DCTPP1: variants seen among roughly 807,000 people sequenced by gnomAD.
The protein encoded by DCTPP1 is dCTP pyrophosphatase 1.
Under a neutral mutation model 8.8 loss-of-function variants are expected in DCTPP1, and 8 were observed. That is an observed-to-expected ratio of 0.91 (90% CI 0.54 to 1.64). The LOEUF (loss-of-function observed/expected upper bound fraction) is 1.64. DCTPP1 is among the 40% of genes most tolerant of loss of function. DCTPP1 has a pLI of 0.00. For missense variants in DCTPP1, 231 were observed against 230.4 expected, an observed-to-expected ratio of 1.00 and a Z score of -0.02; for synonymous variants, 85 against 92.1, an observed-to-expected ratio of 0.92 and a Z score of 0.44.
At position 30,424,370 on chromosome 16, in the gene DCTPP1, G is replaced by A. The variant is rs753034750; in HGVS notation, c.376C>T (p.Arg126Trp). 44 of 1,614,088 alleles carry A rather than the reference G, an allele frequency of 2.7e-5. No individual in the cohort carries two copies. Among genetic ancestry groups the A allele is most frequent in the Admixed American group, 1.5e-4 (9 of 60,004 alleles). The change falls in exon 3 of 3, where the codon CGG becomes TGG. Residue 126 changes from arginine (R) to tryptophan (W), a missense_variant. Coordinates refer to ENST00000319285, the MANE Select transcript of DCTPP1 (RefSeq NM_024096.2). ...GCCAGATGGGCTGGGTAGCGTCGCCGGTTGATGTCCATTTTGGAGAGCACT... is the reference window on the plus strand; with the variant it reads ...GCCAGATGGGCTGGGTAGCGTCGCCAGTTGATGTCCATTTTGGAGAGCACT... ...LAVLSKMDIN[R>W]RRYPAHLARS...
At chr16:30,429,190 A>C in intron 1 of DCTPP1, 23 bp from the exon 2 acceptor site, 2 of 1,613,144 alleles carry the variant, frequency 1.2e-6, no homozygotes, top group Non-Finnish European at 1.7e-6. Flanking sequence ...AAAGGAGTGT[A>C]AGTCCAAGTC....
Position 30,424,268 on chromosome 16 carries a change from T to A in DCTPP1, c.478A>T (p.Ile160Phe), listed in dbSNP as rs2050179429. ...GTCTGGCCTGTGGAGTCACAGGGAA[T>A]GTCCGCAGGCCCCACAGCCTGGTCT... The part of the protein sequence containing the change: ...SEDQAVGPAD[I>F]PCDSTGQTST Residue 160 changes from isoleucine to phenylalanine, a missense_variant, in exon 3 of 3, where the codon ATT becomes TTT. Coordinates refer to ENST00000319285, the MANE Select transcript of DCTPP1 (RefSeq NM_024096.2). The A allele has an allele frequency of 6.2e-7, 1 of 1,614,198 alleles. No homozygotes were observed.
intron 2 of DCTPP1, among the ~76,000 whole-genome samples, chr16:30,427,013 G>GTTT (rs1363743195): frequency 8.3e-6 from 1 of 119,884 alleles, no homozygotes; most frequent in Non-Finnish European, 1.8e-5. Context: ...TTTTCGTTGG[G>GTTT]TTTTTTTTTT....
At chr16:30,426,379 G>A (rs2050192963) in intron 2 of DCTPP1, among the ~76,000 whole-genome samples, 1 of 151,230 alleles carries the variant, frequency 6.6e-6, no homozygotes, top group Non-Finnish European at 1.5e-5. Flanking sequence ...GTTTCACCGT[G>A]TCAGCCAGGA....
intron 2 of DCTPP1, among the ~76,000 whole-genome samples, chr16:30,428,589 GTGA>G (rs1437467026): frequency 6.6e-6 from 1 of 152,008 alleles, no homozygotes; most frequent in Admixed American, 6.6e-5. Context: ...GACCAATATG[GTGA>G]AACCCCGTCT....
rs80238298 is a variant in DCTPP1, at chr16:30,429,588, C to T, written c.101+292G>A. On this transcript the variant is annotated intron_variant, in intron 1 of 2. Coordinates refer to ENST00000319285, the MANE Select transcript of DCTPP1 (RefSeq NM_024096.2). Reference sequence around the variant, plus strand: ...CAGCACTTCGTTTGCCCCTCTCGTACCCCCGGCGCCTGGAGAGCAGAGGCG... The same window carrying T: ...CAGCACTTCGTTTGCCCCTCTCGTATCCCCGGCGCCTGGAGAGCAGAGGCG... 5.3e-3 allele frequency: 2,403 copies of T among 451,082 alleles called. 79 individuals are homozygous for T. In the East Asian group the frequency reaches 0.066, roughly 12 times the overall value. The allele number at this position is 451,082 out of a possible 1,614,324, so 27.9% of individuals were successfully genotyped here. A position where few individuals can be genotyped will look rare whatever the true frequency, so the allele number is the denominator to read the frequency against.
At chr16:30,429,696 C>A (rs2050213820) in intron 1 of DCTPP1, 184 bp downstream of exon 1, 1 of 569,656 alleles carries the variant, frequency 1.8e-6, no homozygotes. Context: ...ATTTCCCTTG[C>A]CTCAGGTGTG....
At chr16:30,429,258 G>A (rs567045591) in intron 1 of DCTPP1, 91 bp from the exon 2 acceptor site, 542 of 1,286,948 alleles carry the variant, frequency 4.2e-4, no homozygotes, top group Non-Finnish European at 5.8e-4. Flanking sequence ...TATGTAATGG[G>A]GCCTGGGACC....
chr16:30,429,243 C>T, intron 1 of DCTPP1, 76 bp from the exon 2 acceptor site: 1 of 1,470,758 alleles, frequency 6.8e-7, no homozygotes, highest in Non-Finnish European at 9.4e-7. Context: ...CAGCTACCCC[C>T]GTAGTATGTA....
chr16:30,429,944 C>T lies in DCTPP1; in HGVS notation c.37G>A (p.Gly13Arg), dbSNP rs201197422. Residue 13 changes from glycine (G) to arginine (R), a missense_variant, in exon 1 of 3, where the codon GGG becomes AGG. Transcript: ENST00000319285. ...VAGGEIRGDT[G>R]GEDTAAPGRF... ...CCGGGAGCAGCAGTGTCCTCTCCCC[C>T]CGTGTCCCCACGAATCTCCCCACCG... The T allele has an allele frequency of 8.8e-6, 14 of 1,586,514 alleles. No homozygotes were observed. In the Admixed American group the frequency reaches 2.3e-4, roughly 26 times the overall value.
At chr16:30,424,557 A>G (rs765089559) in intron 2 of DCTPP1, 24 bp from the exon 3 acceptor site, 3 of 1,607,578 alleles carry the variant, frequency 1.9e-6, no homozygotes, top group East Asian at 4.5e-5. Flanking sequence ...ACAGACAGAC[A>G]CACACTCAGA....
At chr16:30,426,940 A>G (rs2050197891) in intron 2 of DCTPP1, among the ~76,000 whole-genome samples, 2 of 150,422 alleles carry the variant, frequency 1.3e-5, no homozygotes, top group Admixed American at 6.6e-5. Flanking sequence ...ACCTCAGGTG[A>G]TCTGCCTGCC....
In DCTPP1 at chr16:30,424,087, T is replaced by C; in HGVS notation, c.*146A>G. 1.0e-6 allele frequency: 1 copy of C among 976,348 alleles called. No individual in the cohort carries two copies. Among genetic ancestry groups the C allele is most frequent in the Non-Finnish European group, 1.5e-6 (1 of 678,874 alleles). The allele number at this position is 976,348 out of a possible 1,614,324, so 60.5% of individuals were successfully genotyped here. On this transcript the variant is annotated 3_prime_UTR_variant, in exon 3 of 3. Coordinates refer to ENST00000319285, the MANE Select transcript of DCTPP1 (RefSeq NM_024096.2). ...GAGAACAAACACCAGGAGGCTACCT[T>C]CTAGAGGCTGCTGGGCCTCAGACCT...
Position 30,424,141 on chromosome 16 carries a change from CTA to C in DCTPP1, c.*90_*91del. 2.7e-6 allele frequency: 4 copies of C among 1,458,862 alleles called. No individual in the cohort carries two copies. The highest frequency in any genetic ancestry group is 2.7e-6 in the Non-Finnish European group (3 of 1,092,924). 90.4% of individuals were successfully genotyped at this position (1,458,862 alleles called of 1,614,324 possible). A position where few individuals can be genotyped will look rare whatever the true frequency, so the allele number is the denominator to read the frequency against. On this transcript the variant is annotated 3_prime_UTR_variant, in exon 3 of 3. Transcript: ENST00000319285. ...GAAGTGGAGGCCTCAGGCCCATGATCTATTCTGAAAAGACTAGAAAAAGGCTC... is the reference window on the plus strand; with the variant it reads ...GAAGTGGAGGCCTCAGGCCCATGATCTTCTGAAAAGACTAGAAAAAGGCTC...
intron 2 of DCTPP1, among the ~76,000 whole-genome samples, chr16:30,428,364 T>C (rs1300956140): frequency 6.6e-6 from 1 of 152,212 alleles, no homozygotes; most frequent in Non-Finnish European, 1.5e-5. Flanking sequence ...TCTCCCTGAA[T>C]TGAACTTGCC....
At position 30,424,138 on chromosome 16, in the gene DCTPP1, G is replaced by A. The variant is rs538484583; in HGVS notation, c.*95C>T. On this transcript the variant is annotated 3_prime_UTR_variant, in exon 3 of 3. Transcript: ENST00000319285. ...CAAGAAGTGGAGGCCTCAGGCCCAT[G>A]ATCTATTCTGAAAAGACTAGAAAAA... The A allele has an allele frequency of 2.9e-5, 42 of 1,437,180 alleles. No individual in the cohort carries two copies. The South Asian group carries it at 5.8e-4, about 20-fold the overall frequency. 89.0% of individuals were successfully genotyped at this position (1,437,180 alleles called of 1,614,324 possible). A position where few individuals can be genotyped will look rare whatever the true frequency, so the allele number is the denominator to read the frequency against.
chr16:30,429,218 T>G (rs1174086726), intron 1 of DCTPP1, 51 bp from the exon 2 acceptor site: 3 of 1,600,650 alleles, frequency 1.9e-6, no homozygotes, highest in Non-Finnish European at 2.6e-6. Context: ...TAGAGGGTGA[T>G]GCAGGGGCCA....
chr16:30,427,850 T>G (rs960354985), intron 2 of DCTPP1, among the ~76,000 whole-genome samples: 1 of 152,024 alleles, frequency 6.6e-6, no homozygotes, highest in African/African-American at 2.4e-5. Flanking sequence ...AAAAATAAAT[T>G]AGCCAGGCTT....
intron 2 of DCTPP1, among the ~76,000 whole-genome samples, chr16:30,425,979 C>A (rs1453229884): frequency 6.6e-6 from 1 of 152,188 alleles, no homozygotes; most frequent in East Asian, 1.9e-4. Context: ...CTGCCCCCCA[C>A]TCTCACTCCC....
Sources: allele counts gnomAD v4.1 joint callset (sites outside exome capture counted in the v4.1 genomes callset), GRCh38; gene constraint gnomAD v4.1.1; transcripts MANE v1.5; gene names NCBI Gene and HGNC (gene_info 2026-07-23, HGNC 2026-07-21).